The following NEB variants were observed in gnomAD, a reference collection of about 807,000 sequenced individuals.
NEB encodes nemaline myopathy type 2.
Under a neutral mutation model 952.2 loss-of-function variants are expected in NEB, and 512 were observed. The ratio of observed to expected loss-of-function variants is 0.54; its 90% CI spans 0.50 to 0.58. The LOEUF is 0.58. Among genes scored for constraint, NEB ranks in the 20% least tolerant of loss-of-function variants. The pLI is 0.00. For missense variants in NEB, 8,428 were observed against 9,231.1 expected (o/e 0.91, Z 3.56); for synonymous variants, 2,900 against 3,149.8 (o/e 0.92, Z 2.66).
Position 151,665,329 on chromosome 2 carries a change from T to C in NEB, c.5238+4A>G, listed in dbSNP as rs944695113. Reference sequence around the variant, plus strand: ...CTGGGCGAGGCTGGCAGGTGAGTCCTTACCTTGTCCATGTTCAGTTTGTTA... The same window carrying C: ...CTGGGCGAGGCTGGCAGGTGAGTCCCTACCTTGTCCATGTTCAGTTTGTTA... On this transcript the variant is annotated splice_donor_region_variant and intron_variant, in intron 42 of 181. Transcript: ENST00000397345. 1.2e-6 allele frequency: 2 copies of C among 1,613,480 alleles called. No homozygotes were observed. The highest frequency in any genetic ancestry group is 2.7e-5 in the African/African-American group (2 of 75,026).
chr2:151,568,966 G>A (rs2096533858), intron 110 of NEB, among the ~76,000 whole-genome samples: 1 of 152,154 alleles, frequency 6.6e-6, no homozygotes, highest in South Asian at 2.1e-4. Context: ...GTATCATTAT[G>A]TGTACTGTAA....
In NEB at chr2:151,537,192, G is replaced by A. The variant is rs1239511851; in HGVS notation, c.21147C>T (p.Cys7049=). 1 of 1,613,142 alleles carries A rather than the reference G, an allele frequency of 6.2e-7. No individual in the cohort carries two copies. Among genetic ancestry groups the A allele is most frequent in the East Asian group, 2.2e-5 (1 of 44,772 alleles). The change falls in exon 141 of 182, where the codon TGC becomes TGT. Residue 7049 remains cysteine, a synonymous_variant. Coordinates refer to ENST00000397345, the MANE Select transcript of NEB (RefSeq NM_001164508.2). ...EDLTWLKGIG[C]YAYDTPDFTL... ...TGAAATCAGGGGTATCATAGGCATA[G>A]CAACCAATGCCTTTAAGCCAAGTCA...
chr2:151,549,580 T>C (rs2095126943), intron 130 of NEB, 56 bp downstream of exon 130: 1 of 1,119,306 alleles, frequency 8.9e-7, no homozygotes, highest in African/African-American at 1.5e-5. Context: ...TTAATTAATA[T>C]GAGTCTCCTG....
rs369431254 is a variant in NEB, at chr2:151,694,467, C to T, written c.1783-31G>A. ...AAGACATCACACATGCCAGATTCCA[C>T]TCAAGAGGAAATGTCCCCGAAGCCA... On this transcript the variant is annotated intron_variant, in intron 19 of 181. Transcript: ENST00000397345. 2.5e-6 allele frequency: 4 copies of T among 1,613,084 alleles called. No individual in the cohort carries two copies. The African/African-American group carries it at 4.0e-5, about 16-fold the overall frequency.
At chr2:151,530,284 A>G (rs1025806279) in intron 145 of NEB, among the ~76,000 whole-genome samples, 1 of 152,216 alleles carries the variant, frequency 6.6e-6, no homozygotes. Context: ...GGAAAGGCAC[A>G]GAGAAGGCTT....
At chr2:151,674,350 CA>C (rs1414383875) in intron 36 of NEB, 126 bp downstream of exon 36, 60 of 832,810 alleles carry the variant, frequency 7.2e-5, no homozygotes, top group Non-Finnish European at 1.1e-4. Context: ...TTTTTCCAAA[CA>C]ATATTTTGAG....
chr2:151,534,208 A>G, intron 142 of NEB: 2 of 1,611,052 alleles, frequency 1.2e-6, no homozygotes, highest in Non-Finnish European at 1.7e-6. Context: ...CAGCCCCATC[A>G]CAGTACCTGA....
At chr2:151,505,913 T>C (rs2068506128) in intron 164 of NEB, 3 of 562,414 alleles carry the variant, frequency 5.3e-6, no homozygotes, top group Admixed American at 6.1e-5. Flanking sequence ...AGGTTGGTTC[T>C]TTGACTGTAC....
rs2095448833 is a variant in NEB, at chr2:151,553,400, C to A, written c.19729G>T (p.Asp6577Tyr). Reference protein sequence around the residue: ...HAKHAYDLRDDIKYKAHMLKT... With the variant: ...HAKHAYDLRDYIKYKAHMLKT... ...AGAACAAAACAAGGCAAACTCACATCATCACGTAGATCATAAGCATGCTTG... is the reference window on the plus strand; with the variant it reads ...AGAACAAAACAAGGCAAACTCACATAATCACGTAGATCATAAGCATGCTTG... Residue 6577 changes from aspartate (D) to tyrosine (Y), a missense_variant and splice_region_variant, in exon 127 of 182, where the codon GAT becomes TAT. By Grantham distance (160) the Asp-to-Tyr change is radical (BLOSUM62 -3). Coordinates refer to ENST00000397345, the MANE Select transcript of NEB (RefSeq NM_001164508.2). 6.2e-7 allele frequency: 1 copy of A among 1,608,666 alleles called. No homozygotes were observed. Among genetic ancestry groups the A allele is most frequent in the Non-Finnish European group, 8.5e-7 (1 of 1,175,052 alleles).
Position 151,690,738 on chromosome 2 carries a change from G to C in NEB, c.2299C>G (p.Gln767Glu). ...ATCAAAGCACTTACATCACTAAGCT[G>C]TTTCGTGTTGAGCTGGGCTTGCAAC... ...VLLQAQLNTKQLSDLNYKAKH... is the reference protein window; with the variant it reads ...VLLQAQLNTKELSDLNYKAKH... Residue 767 changes from glutamine to glutamate, a missense_variant, in exon 24 of 182, where the codon CAG (glutamine) becomes GAG (glutamate). Physicochemically the swap from Gln to Glu is conservative, Grantham distance 29. Transcript: ENST00000397345. 6.3e-7 allele frequency: 1 copy of C among 1,590,178 alleles called. No homozygotes were observed. The highest frequency in any genetic ancestry group is 8.6e-7 in the Non-Finnish European group (1 of 1,167,352).
chr2:151,561,964 A>C (rs764691762), intron 121 of NEB, 146 bp downstream of exon 121: 34 of 660,802 alleles, frequency 5.1e-5, no homozygotes, highest in Non-Finnish European at 6.2e-5. Context: ...GGACACTAGA[A>C]GAGCTTTGAT....
intron 48 of NEB, 27 bp from the exon 49 acceptor site, chr2:151,656,491 C>G: frequency 7.0e-7 from 1 of 1,424,676 alleles, no homozygotes; most frequent in East Asian, 2.4e-5. Context: ...AGTTTTTACA[C>G]AGAGCAATTC....
chr2:151,508,697 C>T (rs2071355422), intron 161 of NEB, among the ~76,000 whole-genome samples: 1 of 152,232 alleles, frequency 6.6e-6, no homozygotes, highest in Admixed American at 6.5e-5. Flanking sequence ...CCTGACAGGA[C>T]TGGCAGCTCT....
intron 60 of NEB, 105 bp downstream of exon 60, chr2:151,642,469 G>T: frequency 1.1e-6 from 1 of 917,208 alleles, no homozygotes; most frequent in Non-Finnish European, 1.6e-6. Context: ...TAAACTGTTA[G>T]CAACAGCTTT....
At position 151,498,426 on chromosome 2, in the gene NEB, G is replaced by A. The variant is rs543570092; in HGVS notation, c.24115-74C>T. The A allele has an allele frequency of 5.8e-6, 6 of 1,028,200 alleles. No homozygotes were observed. The African/African-American group carries it at 9.7e-5, about 17-fold the overall frequency. 63.7% of individuals were successfully genotyped at this position (1,028,200 alleles called of 1,614,324 possible). A position where few individuals can be genotyped will look rare whatever the true frequency, so the allele number is the denominator to read the frequency against. ...TTTTCCCCCTGCTTTGGAGCAGTTG[G>A]GAGTGGGAAGGGAGGAAGAGAGTAA... On this transcript the variant is annotated intron_variant, in intron 169 of 181. Transcript: ENST00000397345.
intron 60 of NEB, among the ~76,000 whole-genome samples, chr2:151,641,536 G>A (rs1574854578): frequency 6.6e-6 from 1 of 152,052 alleles, no homozygotes; most frequent in Admixed American, 6.6e-5. Flanking sequence ...TTGCTATGTT[G>A]ACCAGGCTGG....
intron 119 of NEB, among the ~76,000 whole-genome samples, chr2:151,563,226 G>A (rs2096194458): frequency 6.6e-6 from 1 of 151,996 alleles, no homozygotes; most frequent in African/African-American, 2.4e-5. Context: ...TGTTGGCCAG[G>A]CCAGTCTCGA....
Position 151,610,576 on chromosome 2 carries a change from A to T in NEB, c.11958T>A (p.Asp3986Glu), listed in dbSNP as rs778501278. ...GWDESKMKDY[D>E]LRADAISIKS... ...TGATGGAAATAGCATCTGCTCTCAG[A>T]TCATAGTCCTTCATCTTTGATTCAT... Residue 3986 changes from aspartate (D) to glutamate (E), a missense_variant, in exon 80 of 182, where the codon GAT (aspartate) becomes GAA (glutamate). By Grantham distance (45) the Asp-to-Glu change is conservative. This residue lies in a region of NEB where 337 missense variants were observed against 297.5 expected (regional missense o/e 1.13). Coordinates refer to ENST00000397345, the MANE Select transcript of NEB (RefSeq NM_001164508.2). 6.2e-7 allele frequency: 1 copy of T among 1,613,890 alleles called. No individual in the cohort carries two copies. The highest frequency in any genetic ancestry group is 1.7e-5 in the Admixed American group (1 of 60,024).
At chr2:151,538,645 A>G (rs527799915) in intron 138 of NEB, among the ~76,000 whole-genome samples, 5 of 149,546 alleles carry the variant, frequency 3.3e-5, no homozygotes, top group South Asian at 2.1e-4. Flanking sequence ...CATTTGAGAG[A>G]AAAAAAAAAC....
Sources: gnomAD v4.1 joint callset for allele counts (sites outside exome capture counted in the v4.1 genomes callset) on GRCh38, gnomAD v4.1.1 for gene constraint, gnomAD v4.1.1 regional missense constraint, MANE v1.5 for transcripts, NCBI Gene and HGNC (gene_info 2026-07-23, HGNC 2026-07-21) for gene names.